Variants in F13A1 observed in about 807,000 individuals in gnomAD.
The protein encoded by F13A1 is coagulation factor XIII A chain.
F13A1 carries 47 observed loss-of-function variants against 80.1 expected under a neutral mutation model. The ratio of observed to expected loss-of-function variants is 0.59; its 90% confidence interval spans 0.46 to 0.75. The LOEUF is 0.75. Ranked by LOEUF, F13A1 falls within the 30% of genes least tolerant of loss-of-function variation. F13A1 has a pLI of 0.00. For synonymous variants in F13A1, 349 were observed against 344.9 expected, an observed-to-expected ratio of 1.01 and a Z score of -0.13; for missense variants, 817 against 930.4, an observed-to-expected ratio of 0.88 and a Z score of 1.59.
chr6:6,153,876 ATTCCC>A (rs1420760347), intron 13 of F13A1, among the ~76,000 whole-genome samples: 1 of 152,238 alleles, frequency 6.6e-6, no homozygotes, highest in Non-Finnish European at 1.5e-5. Context: ...AATAATAGTT[ATTCCC>A]TTAAGAAGAA....
intron 14 of F13A1, among the ~76,000 whole-genome samples, chr6:6,147,003 A>G (rs77597744): frequency 0.047 from 7,232 of 152,328 alleles, 234 homozygotes; most frequent in Non-Finnish European, 0.071. Context: ...TGGAATTCAC[A>G]GTGACCTAGA....
intron 3 of F13A1, among the ~76,000 whole-genome samples, chr6:6,285,282 T>G (rs1458479233): frequency 6.6e-6 from 1 of 152,172 alleles, no homozygotes; most frequent in East Asian, 1.9e-4. Context: ...GGTCTTTCAT[T>G]CCTCTTAAAC....
At chr6:6,198,065 A>G (rs1761322532) in intron 8 of F13A1, among the ~76,000 whole-genome samples, 1 of 152,252 alleles carries the variant, frequency 6.6e-6, no homozygotes, top group Admixed American at 6.5e-5. Context: ...GTAGCAATTA[A>G]GCAAAAAATA....
intron 13 of F13A1, among the ~76,000 whole-genome samples, chr6:6,163,857 A>T (rs1311250833): frequency 6.6e-6 from 1 of 152,208 alleles, no homozygotes; most frequent in East Asian, 1.9e-4. Context: ...GTCAAATGGT[A>T]GTTCTGTGTT....
rs1383490482 is a variant in F13A1, at chr6:6,252,361, A to G, written c.572-1432T>C. Among the ~76,000 whole-genome samples, 13 of 152,348 alleles carry G rather than the reference A, an allele frequency of 8.5e-5. No homozygotes were observed. The South Asian group carries it at 1.7e-3, about 19-fold the overall frequency. ...CTCTTGTTGATTTGTATTAGCTGCA[A>G]TAATTATACACAAACACACATAAAC... On this transcript the variant is annotated intron_variant, in intron 4 of 14. Coordinates refer to ENST00000264870, the MANE Select transcript of F13A1 (RefSeq NM_000129.4).
intron 3 of F13A1, among the ~76,000 whole-genome samples, chr6:6,271,210 C>T (rs1471321163): frequency 2.0e-5 from 3 of 152,194 alleles, no homozygotes; most frequent in African/African-American, 7.2e-5. Context: ...TGCTCTATTA[C>T]ACCCATGTTT....
chr6:6,195,715 G>A (rs910562646), intron 10 of F13A1, 82 bp downstream of exon 10: 4 of 1,342,078 alleles, frequency 3.0e-6, no homozygotes, highest in East Asian at 2.4e-5. Context: ...GGAAAACTTA[G>A]AAACAACAAC....
intron 12 of F13A1, among the ~76,000 whole-genome samples, chr6:6,168,060 G>A (rs893768371): frequency 3.3e-5 from 5 of 152,274 alleles, no homozygotes; most frequent in South Asian, 4.1e-4. Flanking sequence ...CCTAGGCCAT[G>A]GGCCACACTC....
intron 2 of F13A1, among the ~76,000 whole-genome samples, chr6:6,316,112 TATATATATATATATATATATATATATATA>T (rs1758680054): frequency 3.5e-5 from 2 of 56,358 alleles, no homozygotes; most frequent in Non-Finnish European, 6.7e-5. Flanking sequence ...TATATATATA[TATATATATATATATATATATATATATATA>T]TAGTTTTTTT....
chr6:6,144,214 T>C lies in F13A1; in HGVS notation c.*1405A>G, dbSNP rs940099266. 6.6e-6 allele frequency: 1 copy of C among 152,318 alleles called. No individual in the cohort carries two copies. The highest frequency in any genetic ancestry group is 1.5e-5 in the Non-Finnish European group (1 of 68,028). The allele number at this position is 152,318 out of a possible 1,614,324, so 9.4% of individuals were successfully genotyped here. Reference sequence around the variant, plus strand: ...ATTGGATATTGGGAGACTTGGCAAATGCTGTGAGATTACTTAGTAAAGTTA... The same window carrying C: ...ATTGGATATTGGGAGACTTGGCAAACGCTGTGAGATTACTTAGTAAAGTTA... On this transcript the variant is annotated 3_prime_UTR_variant, in exon 15 of 15. Transcript: ENST00000264870.
intron 8 of F13A1, among the ~76,000 whole-genome samples, chr6:6,220,396 T>TCTAC (rs1242460455): frequency 2.0e-5 from 3 of 152,166 alleles, no homozygotes; most frequent in African/African-American, 4.8e-5. Flanking sequence ...AAGGGCAAGA[T>TCTAC]CTACCTTCGC....
At chr6:6,253,624 C>A (rs1420051345) in intron 4 of F13A1, among the ~76,000 whole-genome samples, 2 of 152,154 alleles carry the variant, frequency 1.3e-5, no homozygotes, top group African/African-American at 4.8e-5. Flanking sequence ...CCAGCCAAGC[C>A]CCAGATCCCT....
chr6:6,284,142 AT>A (rs201615546), intron 3 of F13A1, among the ~76,000 whole-genome samples: 1 of 152,046 alleles, frequency 6.6e-6, no homozygotes, highest in Non-Finnish European at 1.5e-5. Flanking sequence ...TAGGACTGTG[AT>A]TTTTTTTCCT....
chr6:6,272,192 A>G (rs1757930448), intron 3 of F13A1, among the ~76,000 whole-genome samples: 1 of 152,208 alleles, frequency 6.6e-6, no homozygotes, highest in Non-Finnish European at 1.5e-5. Context: ...GCCTTTTAAA[A>G]AATTAATCTT....
Position 6,159,972 on chromosome 6 carries a change from G to T in F13A1, c.1908+7486C>A, listed in dbSNP as rs554047379. Among the ~76,000 whole-genome samples the T allele has an allele frequency of 2.6e-4, 40 of 152,174 alleles. No individual in the cohort carries two copies. The East Asian group carries it at 7.4e-3, about 28-fold the overall frequency. On this transcript the variant is annotated intron_variant, in intron 13 of 14. Transcript: ENST00000264870. ...CAACCTTTCCCCATTTCAGAAAAAT[G>T]CAACAAAAATGTTCTCACTGTTGGC...
chr6:6,158,950 G>T (rs1171450045), intron 13 of F13A1, among the ~76,000 whole-genome samples: 3 of 149,620 alleles, frequency 2.0e-5, no homozygotes, highest in South Asian at 2.1e-4. Context: ...TGCCCAGGCT[G>T]GAGTGCAGTG....
intron 3 of F13A1, among the ~76,000 whole-genome samples, chr6:6,276,189 G>A (rs1757985647): frequency 6.6e-6 from 1 of 152,206 alleles, no homozygotes; most frequent in Admixed American, 6.5e-5. Flanking sequence ...AGGAAGCCAT[G>A]TTCCCACGCT....
intron 4 of F13A1, among the ~76,000 whole-genome samples, chr6:6,264,153 A>G (rs1161411453): frequency 6.6e-6 from 1 of 152,236 alleles, no homozygotes; most frequent in Non-Finnish European, 1.5e-5. Flanking sequence ...CCACCTCCTG[A>G]GTAGTTATCC....
At chr6:6,231,269 G>A (rs867533563) in intron 6 of F13A1, among the ~76,000 whole-genome samples, 4 of 152,050 alleles carry the variant, frequency 2.6e-5, no homozygotes, top group Non-Finnish European at 5.9e-5. Flanking sequence ...ACACTTTTAC[G>A]AATGCGAAAT....
Sources: gnomAD v4.1 joint callset for allele counts (sites outside exome capture counted in the v4.1 genomes callset) on GRCh38, gnomAD v4.1.1 for gene constraint, MANE v1.5 for transcripts, NCBI Gene and HGNC (gene_info 2026-07-23, HGNC 2026-07-21) for gene names.